CEP89: variants seen among roughly 807,000 people sequenced by gnomAD.
CEP89 encodes centrosomal protein of 89 kDa.
In CEP89, 95 loss-of-function variants were observed where a neutral mutation model predicts 97.6. The ratio of observed to expected loss-of-function variants is 0.97; its 90% CI spans 0.82 to 1.15. The LOEUF is 1.15. CEP89 is among the 50% of genes most tolerant of loss of function. CEP89 has a pLI of 0.00. For synonymous variants in CEP89, 354 were observed against 349.1 expected (o/e 1.01, Z -0.16); for missense variants, 869 against 947.7 (o/e 0.92, Z 1.09).
intron 16 of CEP89, among the ~76,000 whole-genome samples, chr19:32,897,503 CA>C (rs1969667862): frequency 6.6e-6 from 1 of 152,204 alleles, no homozygotes; most frequent in Admixed American, 6.6e-5. Flanking sequence ...GAATAGCCAA[CA>C]AGCTACATTG....
intron 7 of CEP89, among the ~76,000 whole-genome samples, chr19:32,934,910 C>G (rs1191261455): frequency 6.6e-6 from 1 of 152,076 alleles, no homozygotes; most frequent in Non-Finnish European, 1.5e-5. Flanking sequence ...GCCAGGAGTT[C>G]GAGACCGGCC....
intron 4 of CEP89, among the ~76,000 whole-genome samples, chr19:32,949,106 C>G (rs1318186328): frequency 6.6e-6 from 1 of 152,168 alleles, no homozygotes; most frequent in African/African-American, 2.4e-5. Flanking sequence ...CTATGTTCAC[C>G]AATTATGTAA....
chr19:32,902,398 C>T (rs1460923049), intron 14 of CEP89, among the ~76,000 whole-genome samples: 1 of 152,074 alleles, frequency 6.6e-6, no homozygotes, highest in East Asian at 1.9e-4. Flanking sequence ...ACTTATTTAA[C>T]TATTATTTTA....
chr19:32,957,903 G>A (rs1599778237), intron 3 of CEP89, among the ~76,000 whole-genome samples: 1 of 152,220 alleles, frequency 6.6e-6, no homozygotes, highest in African/African-American at 2.4e-5. Flanking sequence ...GGCTAAGGCA[G>A]GAGAATCACT....
At chr19:32,931,720 G>A (rs755792741) in intron 8 of CEP89, 149 bp from the exon 9 acceptor site, 2 of 551,944 alleles carry the variant, frequency 3.6e-6, no homozygotes, top group Middle Eastern at 4.6e-4. Context: ...GTGTATGTGT[G>A]TCTGTGTGTG....
Position 32,959,900 on chromosome 19 carries a change from C to T in CEP89, c.305G>A (p.Arg102Gln), listed in dbSNP as rs73926195. The T allele has an allele frequency of 8.7e-3, 14,061 of 1,614,036 alleles. 1,072 individuals carry two copies. The African/African-American group carries it at 0.16, about 19-fold the overall frequency. The change falls in exon 3 of 19, where the codon CGG (arginine) becomes CAG (glutamine). Residue 102 changes from arginine to glutamine, a missense_variant and splice_region_variant. Transcript: ENST00000305768. ...PYATTSQLRPRPNWQSEMGRR... is the reference protein window; with the variant it reads ...PYATTSQLRPQPNWQSEMGRR... ...GCAGAGGCGGCGATCTGGTACCTAC[C>T]GAGGCCTCAGCTGTGAGGTGGTGGC... is the stretch of plus-strand genomic sequence containing the variant.
Position 32,933,464 on chromosome 19 carries a change from C to A in CEP89, c.873G>T (p.Ala291=). 3 of 1,613,622 alleles carry A rather than the reference C, an allele frequency of 1.9e-6. No homozygotes were observed. Among genetic ancestry groups the A allele is most frequent in the South Asian group, 1.1e-5 (1 of 90,930 alleles). ...GTCTGTCCCCACCTTCCTGTGACGA[C>A]GCCTTCTCAGCCTCTTTGAGCTTTC... The part of the protein sequence containing the change: ...EKRKLKEAEK[A]SSQEVAAPEL... The change falls in exon 8 of 19, where the codon GCG becomes GCT. Residue 291 remains alanine, a synonymous_variant. Coordinates refer to ENST00000305768, the MANE Select transcript of CEP89 (RefSeq NM_032816.5).
chr19:32,945,785 G>A (rs188710709), intron 5 of CEP89, among the ~76,000 whole-genome samples: 1 of 152,316 alleles, frequency 6.6e-6, no homozygotes, highest in East Asian at 1.9e-4. Flanking sequence ...TTACAAATGG[G>A]ATTTCATGCG....
chr19:32,918,143 C>T, intron 13 of CEP89, 81 bp downstream of exon 13: 4 of 733,700 alleles, frequency 5.5e-6, no homozygotes, highest in East Asian at 1.1e-4. Context: ...TCAACTGGGG[C>T]CCCCGGCAGG....
At chr19:32,887,642 A>G in intron 17 of CEP89, 110 bp downstream of exon 17, 1 of 682,012 alleles carries the variant, frequency 1.5e-6, no homozygotes, top group South Asian at 1.8e-5. Flanking sequence ...TCTGTGGACT[A>G]TTAGTGATGC....
At chr19:32,913,224 C>T (rs969694861) in intron 14 of CEP89, among the ~76,000 whole-genome samples, 1 of 148,496 alleles carries the variant, frequency 6.7e-6, no homozygotes, top group South Asian at 2.1e-4. Context: ...TGTATATATA[C>T]CATATCTCTC....
In CEP89 at chr19:32,959,907, T is replaced by G. The variant is rs781583543; in HGVS notation, c.298A>C (p.Arg100=). ...IEPYATTSQL[R]PRPNWQSEMG... ...CGGCGATCTGGTACCTACCGAGGCC[T>G]CAGCTGTGAGGTGGTGGCATAGGGC... Residue 100 remains arginine (R), a synonymous_variant, in exon 3 of 19, where the codon AGG becomes CGG. Transcript: ENST00000305768. 1 of 1,614,178 alleles carries G rather than the reference T, an allele frequency of 6.2e-7. No homozygotes were observed. Among genetic ancestry groups the G allele is most frequent in the South Asian group, 1.1e-5 (1 of 91,084 alleles).
chr19:32,939,712 C>T (rs1970649237), intron 6 of CEP89, 145 bp downstream of exon 6: 2 of 457,108 alleles, frequency 4.4e-6, no homozygotes, highest in Non-Finnish European at 8.1e-6. Context: ...AAATATTCAA[C>T]AGGAAAGAAC....
rs1464161073 is a variant in CEP89 at position 32,877,275 on chromosome 19, T to G, written c.*1887A>C. 6.6e-6 allele frequency: 1 copy of G among 152,166 alleles called. No individual in the cohort carries two copies. Among genetic ancestry groups the G allele is most frequent in the East Asian group, 1.9e-4 (1 of 5,184 alleles). The allele number at this position is 152,166 out of a possible 1,614,324, so 9.4% of individuals were successfully genotyped here. ...CCGTCTGGCAATCAAAGATCACACG[T>G]AGAACTTCTACACATGACCAAGGAC... On this transcript the variant is annotated 3_prime_UTR_variant, in exon 19 of 19. Coordinates refer to ENST00000305768, the MANE Select transcript of CEP89 (RefSeq NM_032816.5).
chr19:32,971,804 GC>G, intron 1 of CEP89, 31 bp downstream of exon 1: 1 of 1,581,174 alleles, frequency 6.3e-7, no homozygotes, highest in Non-Finnish European at 8.6e-7. Flanking sequence ...GCCCCACAGA[GC>G]CCCACGCGCG....
At chr19:32,954,095 G>A (rs529187790) in intron 3 of CEP89, among the ~76,000 whole-genome samples, 2 of 151,762 alleles carry the variant, frequency 1.3e-5, no homozygotes, top group South Asian at 2.1e-4. Context: ...CGGTGGTCTC[G>A]ATCTCCTGAC....
chr19:32,902,010 C>CTCTCTCTCTG (rs1207481256), intron 14 of CEP89, among the ~76,000 whole-genome samples: 5 of 133,730 alleles, frequency 3.7e-5, no homozygotes, highest in South Asian at 5.2e-4. Flanking sequence ...CTCTCTCTCT[C>CTCTCTCTCTG]TGTGTGTGTG....
Position 32,925,983 on chromosome 19 carries a change from C to G in CEP89, c.1164+207G>C, listed in dbSNP as rs534774881. 2.0e-5 allele frequency among the ~76,000 whole-genome samples: 3 copies of G among 152,104 alleles called. No individual in the cohort carries two copies. In the South Asian group the frequency reaches 6.2e-4, roughly 32 times the overall value. The stretch of plus-strand genomic sequence containing the variant: ...CTCCCTATCCACCCCTCCTGCTCTG[C>G]CAATCACTCCCTTACTTCCTCCCCT... On this transcript the variant is annotated intron_variant, in intron 11 of 18. Coordinates refer to ENST00000305768, the MANE Select transcript of CEP89 (RefSeq NM_032816.5).
intron 5 of CEP89, among the ~76,000 whole-genome samples, chr19:32,947,790 C>A (rs1040773490): frequency 6.6e-6 from 1 of 152,002 alleles, no homozygotes; most frequent in Non-Finnish European, 1.5e-5. Context: ...ATTACAGGAG[C>A]GAGCCACCAC....
Sources: gnomAD v4.1 joint callset for allele counts (sites outside exome capture counted in the v4.1 genomes callset) on GRCh38, gnomAD v4.1.1 for gene constraint, MANE v1.5 for transcripts, NCBI Gene and HGNC (gene_info 2026-07-23, HGNC 2026-07-21) for gene names.